Variants in TC2N observed in about 807,000 individuals in gnomAD.
TC2N encodes the protein tandem C2 domains, nuclear.
A neutral mutation model predicts 61.9 loss-of-function variants in TC2N; 51 were observed. The ratio of observed to expected loss-of-function variants is 0.82; its 90% CI spans 0.66 to 1.04. The LOEUF (loss-of-function observed/expected upper bound fraction) is 1.04, where lower values mean the gene tolerates loss of function less well. Among genes scored for constraint, TC2N ranks in the 50% least tolerant of loss-of-function variants. The pLI is 0.00. For missense variants in TC2N, 556 were observed against 566.7 expected (o/e 0.98, Z 0.19); for synonymous variants, 204 against 192.6 (o/e 1.06, Z -0.49).
intron 1 of TC2N, among the ~76,000 whole-genome samples, chr14:91,829,261 A>G (rs1028854154): frequency 1.3e-5 from 2 of 151,836 alleles, no homozygotes; most frequent in East Asian, 3.8e-4. Flanking sequence ...GTTTTTGCCC[A>G]TTTCTTTTCT....
chr14:91,798,187 A>C lies in TC2N; in HGVS notation c.738+112T>G, dbSNP rs541644687. ...TTCTGTAAAAATATTAAAGAATTCC[A>C]AATGTCAAAGGTGGCATTGGCCCAT... is the stretch of plus-strand genomic sequence containing the variant. On this transcript the variant is annotated intron_variant, in intron 7 of 11. Transcript: ENST00000435962. 517 of 602,220 alleles carry C rather than the reference A, an allele frequency of 8.6e-4. 3 individuals are homozygous for C. The South Asian group carries it at 0.013, about 15-fold the overall frequency. The allele number at this position is 602,220 out of a possible 1,614,324, so 37.3% of individuals were successfully genotyped here.
intron 1 of TC2N, among the ~76,000 whole-genome samples, chr14:91,842,094 G>A (rs559711432): frequency 2.7e-4 from 41 of 151,010 alleles, no homozygotes; most frequent in African/African-American, 8.8e-4. Flanking sequence ...GAGTAGCTGC[G>A]AGTATAGGCA....
intron 1 of TC2N, among the ~76,000 whole-genome samples, chr14:91,846,903 C>T (rs943715897): frequency 2.6e-5 from 4 of 152,032 alleles, no homozygotes; most frequent in Admixed American, 2.6e-4. Flanking sequence ...AAACAGAAAA[C>T]CCATGAAAAA....
chr14:91,848,144 T>C (rs1025806148), intron 1 of TC2N, among the ~76,000 whole-genome samples: 3 of 152,210 alleles, frequency 2.0e-5, no homozygotes, highest in Non-Finnish European at 4.4e-5. Context: ...GAGGATAAGA[T>C]ATCATTTTGA....
At chr14:91,858,097 C>T (rs1254732631) in intron 1 of TC2N, among the ~76,000 whole-genome samples, 1 of 151,284 alleles carries the variant, frequency 6.6e-6, no homozygotes, top group Non-Finnish European at 1.5e-5. Flanking sequence ...TCTTGAGTAG[C>T]TGGGACCACA....
intron 1 of TC2N, among the ~76,000 whole-genome samples, chr14:91,824,733 A>T (rs990934302): frequency 1.3e-5 from 2 of 152,236 alleles, no homozygotes; most frequent in Non-Finnish European, 2.9e-5. Context: ...TCCAATGAGG[A>T]AAATTAACCA....
chr14:91,816,212 A>T (rs1886994993), intron 1 of TC2N, among the ~76,000 whole-genome samples: 1 of 151,718 alleles, frequency 6.6e-6, no homozygotes, highest in Non-Finnish European at 1.5e-5. Context: ...ATTCTCTCTG[A>T]AGCACACCAT....
intron 9 of TC2N, among the ~76,000 whole-genome samples, chr14:91,791,088 C>A (rs927728583): frequency 6.7e-6 from 1 of 149,706 alleles, no homozygotes; most frequent in Non-Finnish European, 1.5e-5. Context: ...GCTGTGATTG[C>A]GTACCATACT....
At chr14:91,813,551 G>A in intron 2 of TC2N, 152 bp downstream of exon 2, 1 of 572,712 alleles carries the variant, frequency 1.7e-6, no homozygotes, top group Non-Finnish European at 3.2e-6. Context: ...CTATGCTCCA[G>A]ACTACTTGAA....
At chr14:91,822,940 C>T (rs1417367650) in intron 1 of TC2N, among the ~76,000 whole-genome samples, 1 of 151,704 alleles carries the variant, frequency 6.6e-6, no homozygotes, top group African/African-American at 2.4e-5. Context: ...TGGTCTCGAT[C>T]TCCTGACCTC....
chr14:91,856,690 C>T (rs1888491073), intron 1 of TC2N, among the ~76,000 whole-genome samples: 1 of 152,132 alleles, frequency 6.6e-6, no homozygotes, highest in Non-Finnish European at 1.5e-5. Flanking sequence ...GCACCACAGG[C>T]CTTTAGACCG....
Position 91,844,053 on chromosome 14 carries a change from G to GAA in TC2N, c.-57+23207_-57+23208dup, listed in dbSNP as rs33944224. Reference sequence around the variant, plus strand: ...GGGTTACATTTTTACCAGAAGAAAGGAAAAAAAAATGCAAATATATTTCCA... The same window carrying GAA: ...GGGTTACATTTTTACCAGAAGAAAGGAAAAAAAAAAATGCAAATATATTTCCA... On this transcript the variant is annotated intron_variant, in intron 1 of 11. Coordinates refer to ENST00000435962, the MANE Select transcript of TC2N (RefSeq NM_001128596.3). Among the ~76,000 whole-genome samples the GAA allele has an allele frequency of 1.5e-4, 22 of 150,876 alleles. No individual in the cohort carries two copies. The South Asian group carries it at 1.9e-3, about 13-fold the overall frequency.
At chr14:91,798,089 T>C (rs1010456252) in intron 7 of TC2N, among the ~76,000 whole-genome samples, 188 bp from the exon 8 acceptor site, 1 of 151,980 alleles carries the variant, frequency 6.6e-6, no homozygotes, top group African/African-American at 2.4e-5. Flanking sequence ...TCAATTTCCC[T>C]CTTGAGCTTA....
chr14:91,785,080 T>C, intron 11 of TC2N, 82 bp downstream of exon 11: 1 of 955,250 alleles, frequency 1.0e-6, no homozygotes, highest in African/African-American at 1.6e-5. Context: ...TATTTGACTT[T>C]AATATTATCC....
intron 5 of TC2N, among the ~76,000 whole-genome samples, chr14:91,799,491 C>T (rs2139841709): frequency 6.6e-6 from 1 of 152,066 alleles, no homozygotes; most frequent in East Asian, 1.9e-4. Flanking sequence ...AAACTCAGGC[C>T]CTACTGCAGA....
chr14:91,843,440 C>G (rs116836949), intron 1 of TC2N, among the ~76,000 whole-genome samples: 74 of 152,224 alleles, frequency 4.9e-4, no homozygotes, highest in African/African-American at 1.8e-3. Context: ...ACCCTCAATA[C>G]AATTCACTTG....
At position 91,843,769 on chromosome 14, in the gene TC2N, T is replaced by C. The variant is rs192790910; in HGVS notation, c.-57+23493A>G. 1.5e-3 allele frequency among the ~76,000 whole-genome samples: 225 copies of C among 152,352 alleles called. 1 individual carries two copies. Among genetic ancestry groups the C allele is most frequent in the Non-Finnish European group, 4.6e-4 (31 of 68,030 alleles). The stretch of plus-strand genomic sequence containing the variant: ...ATGTGGTTGGCAGATGAACCCAATA[T>C]TCAAGGACATCTTTTTTAAGCCTTT... On this transcript the variant is annotated intron_variant, in intron 1 of 11. Transcript: ENST00000435962.
intron 10 of TC2N, among the ~76,000 whole-genome samples, chr14:91,786,478 C>T (rs1456571437): frequency 3.3e-5 from 5 of 152,202 alleles, no homozygotes; most frequent in Non-Finnish European, 7.3e-5. Context: ...TTGGTAGAAT[C>T]TCCCAGTACA....
intron 3 of TC2N, among the ~76,000 whole-genome samples, chr14:91,804,569 T>C (rs1473985891): frequency 6.6e-6 from 1 of 152,202 alleles, no homozygotes; most frequent in Non-Finnish European, 1.5e-5. Context: ...ATACACTTAC[T>C]GTACAGATAC....
Sources: allele counts gnomAD v4.1 joint callset (sites outside exome capture counted in the v4.1 genomes callset), GRCh38; gene constraint gnomAD v4.1.1; transcripts MANE v1.5; gene names NCBI Gene and HGNC (gene_info 2026-07-23, HGNC 2026-07-21).